TEP1: variants seen among roughly 807,000 people sequenced by gnomAD.
The protein encoded by TEP1 is telomerase protein component 1.
Under a neutral mutation model 306.3 loss-of-function variants are expected in TEP1, and 241 were observed. The ratio of observed to expected loss-of-function variants is 0.79; its 90% CI spans 0.71 to 0.88. The LOEUF is 0.88. Among genes scored for constraint, TEP1 ranks in the 40% least tolerant of loss-of-function variants. The pLI, the probability that TEP1 is intolerant of heterozygous loss-of-function variation, is 0.00. For missense variants in TEP1, 3,051 were observed against 3,276.1 expected, an observed-to-expected ratio of 0.93 and a Z score of 1.68; for synonymous variants, 1,289 against 1,305.5, an observed-to-expected ratio of 0.99 and a Z score of 0.27.
At chr14:20,369,016 T>TC (rs1884653593) in intron 53 of TEP1, 114 bp from the exon 54 acceptor site, 1 of 782,154 alleles carries the variant, frequency 1.3e-6, no homozygotes, top group Middle Eastern at 3.4e-4. Context: ...ATTTCTTTTT[T>TC]TTTTTTTTGA....
chr14:20,383,095 C>T, intron 27 of TEP1, 79 bp downstream of exon 27: 1 of 1,465,730 alleles, frequency 6.8e-7, no homozygotes, highest in African/African-American at 1.4e-5. Context: ...TGCAAGGCAG[C>T]TAGCGGCCTC....
Position 20,381,916 on chromosome 14 carries a change from C to A in TEP1, c.4421G>T (p.Arg1474Leu). ...GPFACLVQSL[R>L]SLLGEGPLER... ...AGCTCTGCTGGGGCACCTGTACCTG[C>A]GCAGACTCTGGACGAGGCAGGCAAA... The change falls in exon 30 of 55, where the codon CGC (arginine) becomes CTC (leucine). Residue 1474 changes from arginine to leucine, a missense_variant. By Grantham distance (102) the Arg-to-Leu change is moderately radical. Transcript: ENST00000262715. This position sits in a 1 kb window ranked among gnomAD's most constrained non-coding sequence, Gnocchi z 4.0. The A allele has an allele frequency of 6.2e-7, 1 of 1,613,808 alleles. No individual in the cohort carries two copies. The highest frequency in any genetic ancestry group is 1.1e-5 in the South Asian group (1 of 91,060).
At chr14:20,396,001 G>C (rs774568631) in intron 10 of TEP1, 52 bp from the exon 11 acceptor site, 1 of 1,379,824 alleles carries the variant, frequency 7.2e-7, no homozygotes, top group Non-Finnish European at 1.0e-6. Context: ...GGAGTATGGG[G>C]GGCTTCAGGG....
Position 20,383,505 on chromosome 14 carries a change from G to A in TEP1, c.3850C>T (p.Pro1284Ser). Residue 1284 changes from proline (P) to serine (S), a missense_variant, in exon 26 of 55, where the codon CCA (proline) becomes TCA (serine). By Grantham distance (74) the Pro-to-Ser change is moderately conservative. This residue lies in a region of TEP1 where 1,540 missense variants were observed against 1,705.9 expected (regional missense o/e 0.90). Coordinates refer to ENST00000262715, the MANE Select transcript of TEP1 (RefSeq NM_007110.5). ...QNGQLISDWI[P>S]KKLPRCVHLV... Reference sequence around the variant, plus strand: ...ACACTCACCCGGGGAAGCTTCTTTGGGATCCAGTCTGAAATCAGCTGCCCA... The same window carrying A: ...ACACTCACCCGGGGAAGCTTCTTTGAGATCCAGTCTGAAATCAGCTGCCCA... The A allele has an allele frequency of 1.9e-6, 3 of 1,614,200 alleles. No homozygotes were observed. Among genetic ancestry groups the A allele is most frequent in the Non-Finnish European group, 2.5e-6 (3 of 1,180,024 alleles).
chr14:20,379,403 G>A (rs1885395769), intron 35 of TEP1, among the ~76,000 whole-genome samples: 1 of 152,216 alleles, frequency 6.6e-6, no homozygotes, highest in African/African-American at 2.4e-5. Context: ...ATAGAAAGAG[G>A]CTGTGGTTCT....
At chr14:20,400,918 G>A in intron 9 of TEP1, 66 bp downstream of exon 9, 2 of 1,562,586 alleles carry the variant, frequency 1.3e-6, no homozygotes, top group Non-Finnish European at 1.7e-6. Context: ...TTCTAGTGAG[G>A]ATCTAAAATG....
chr14:20,392,163 C>G (rs1440165414), intron 12 of TEP1, among the ~76,000 whole-genome samples: 4 of 152,232 alleles, frequency 2.6e-5, no homozygotes, highest in Admixed American at 1.3e-4. Flanking sequence ...TTCATCCCAC[C>G]TTTCCCATAC....
intron 5 of TEP1, among the ~76,000 whole-genome samples, 162 bp from the exon 6 acceptor site, chr14:20,404,046 T>C (rs1878971319): frequency 6.6e-6 from 1 of 152,164 alleles, no homozygotes; most frequent in Non-Finnish European, 1.5e-5. Flanking sequence ...TTTCATTTCT[T>C]CATTAGAAAC....
At position 20,383,654 on chromosome 14, in the gene TEP1, G is replaced by T. The variant is rs72671282; in HGVS notation, c.3711-10C>A. On this transcript the variant is annotated splice_polypyrimidine_tract_variant and intron_variant, in intron 25 of 54. Transcript: ENST00000262715. ...CTCCCACACCAGGCTTCTGTACATG[G>T]AGAGGAAGTCAGGGTCAGTGGGAGA... 1 of 1,612,228 alleles carries T rather than the reference G, an allele frequency of 6.2e-7. No homozygotes were observed.
At position 20,371,309 on chromosome 14, in the gene TEP1, C is replaced by G; in HGVS notation, c.7226G>C (p.Ser2409Thr). 1.9e-6 allele frequency: 3 copies of G among 1,614,026 alleles called. No homozygotes were observed. The highest frequency in any genetic ancestry group is 2.5e-6 in the Non-Finnish European group (3 of 1,179,904). Residue 2409 changes from serine to threonine, a missense_variant, in exon 51 of 55, where the codon AGC becomes ACC. This residue lies in a region of TEP1 where 1,540 missense variants were observed against 1,705.9 expected (regional missense o/e 0.90). Transcript: ENST00000262715. ...CAATATCATAGGATTTTCTGTATAG[C>G]TGCTCCTGGTTTGTGAGAAAGGAAT... ...PGDAPSEIWS[S>T]YTENPMILST...
At position 20,406,403 on chromosome 14, in the gene TEP1, G is replaced by A. The variant is rs771775602; in HGVS notation, c.568-3C>T. ...TCTTCTGAATCAAACCAACGACCCT[G>A]GGGTAGTAGTGGCAGTTATGAATCA... On this transcript the variant is annotated splice_region_variant and splice_polypyrimidine_tract_variant and intron_variant, in intron 2 of 54. Coordinates refer to ENST00000262715, the MANE Select transcript of TEP1 (RefSeq NM_007110.5). 3 of 1,613,728 alleles carry A rather than the reference G, an allele frequency of 1.9e-6. No homozygotes were observed. The Admixed American group carries it at 5.0e-5, about 27-fold the overall frequency.
rs1412413878 is a variant in TEP1 at position 20,373,733 on chromosome 14, G to A, written c.6549C>T (p.Ile2183=). 3 of 1,614,210 alleles carry A rather than the reference G, an allele frequency of 1.9e-6. No individual in the cohort carries two copies. The highest frequency in any genetic ancestry group is 2.2e-5 in the South Asian group (2 of 91,086). Residue 2183 remains isoleucine (I), a synonymous_variant, in exon 45 of 55, where the codon ATC becomes ATT. Coordinates refer to ENST00000262715, the MANE Select transcript of TEP1 (RefSeq NM_007110.5). ...GGCTAATGGGTCCTGAGTGAGCAGGGATGCTGGTCAGCTCCACGCCTTGAT... is the reference window on the plus strand; with the variant it reads ...GGCTAATGGGTCCTGAGTGAGCAGGAATGCTGGTCAGCTCCACGCCTTGAT... The part of the protein sequence containing the change: ...WDHQGVELTS[I]PAHSGPISHC...
rs531645415 is a variant in TEP1 at position 20,365,752 on chromosome 14, C to T, written c.*2685G>A. ...TTTCTAAATGGTTACTCTCAACTTCCGTACTTATCTCATTATAAAACATTA... is the reference window on the plus strand; with the variant it reads ...TTTCTAAATGGTTACTCTCAACTTCTGTACTTATCTCATTATAAAACATTA... On this transcript the variant is annotated 3_prime_UTR_variant, in exon 55 of 55. Coordinates refer to ENST00000262715, the MANE Select transcript of TEP1 (RefSeq NM_007110.5). The T allele has an allele frequency of 5.3e-5, 8 of 152,270 alleles. No homozygotes were observed. The highest frequency in any genetic ancestry group is 3.9e-4 in the East Asian group (2 of 5,186). The allele number at this position is 152,270 out of a possible 1,614,324, so 9.4% of individuals were successfully genotyped here.
In TEP1 at chr14:20,406,149, G is replaced by A. The variant is rs1879158649; in HGVS notation, c.735+84C>T. On this transcript the variant is annotated intron_variant, in intron 3 of 54. Transcript: ENST00000262715. ...GTATCCCTACCTTCCCCTTCCAACTGGGGAGGGGACCTGGTTCAAGTACTC... is the reference window on the plus strand; with the variant it reads ...GTATCCCTACCTTCCCCTTCCAACTAGGGAGGGGACCTGGTTCAAGTACTC... 7 of 1,382,108 alleles carry A rather than the reference G, an allele frequency of 5.1e-6. No individual in the cohort carries two copies. The South Asian group carries it at 9.0e-5, about 18-fold the overall frequency. 85.6% of individuals were successfully genotyped at this position (1,382,108 alleles called of 1,614,324 possible).
In TEP1 at chr14:20,403,638, G is replaced by T. The variant is rs897152053; in HGVS notation, c.1194+85C>A. ...CTCTGACTCCCTTTGCTCCTGGTGT[G>T]GGACTCCCCAGCATCAGCATGCTCC... On this transcript the variant is annotated intron_variant, in intron 6 of 54. Coordinates refer to ENST00000262715, the MANE Select transcript of TEP1 (RefSeq NM_007110.5). The T allele has an allele frequency of 3.1e-6, 5 of 1,599,632 alleles. No homozygotes were observed. The African/African-American group carries it at 6.7e-5, about 21-fold the overall frequency.
At chr14:20,377,986 C>T (rs762380200) in intron 39 of TEP1, 38 bp downstream of exon 39, 2 of 1,605,382 alleles carry the variant, frequency 1.2e-6, no homozygotes, top group South Asian at 1.1e-5. Flanking sequence ...CTTTGCTACT[C>T]CTCCTCACAA....
At chr14:20,398,965 C>T (rs931877902) in intron 9 of TEP1, among the ~76,000 whole-genome samples, 6 of 151,982 alleles carry the variant, frequency 3.9e-5, no homozygotes, top group Admixed American at 2.0e-4. Context: ...AATCTTGGCT[C>T]GCTGCAACCT....
chr14:20,368,738 C>T lies in TEP1; in HGVS notation c.7761+60G>A, dbSNP rs1364153496. ...TCTAAGTTTGCTGTCTTGTGACATC[C>T]CTTTGGGATAGGTGTGCAGGCGCAC... On this transcript the variant is annotated intron_variant, in intron 54 of 54. Coordinates refer to ENST00000262715, the MANE Select transcript of TEP1 (RefSeq NM_007110.5). 1.9e-6 allele frequency: 3 copies of T among 1,540,210 alleles called. No individual in the cohort carries two copies. The East Asian group carries it at 6.8e-5, about 35-fold the overall frequency.
In TEP1 at chr14:20,380,996, T is replaced by G; in HGVS notation, c.4697A>C (p.His1566Pro). 6.2e-7 allele frequency: 1 copy of G among 1,614,042 alleles called. No homozygotes were observed. Among genetic ancestry groups the G allele is most frequent in the Non-Finnish European group, 8.5e-7 (1 of 1,180,008 alleles). Residue 1566 changes from histidine to proline, a missense_variant, in exon 33 of 55, where the codon CAT becomes CCT. His to Pro is a moderately conservative substitution (Grantham distance 77, BLOSUM62 -2). Around this residue, in one of 3 missense-constraint regions of TEP1, gnomAD observed 1,540 missense variants for 1,705.9 expected, o/e 0.90. Coordinates refer to ENST00000262715, the MANE Select transcript of TEP1 (RefSeq NM_007110.5). ...GLLSKFLTNL[H>P]VVAAHLELGL... is the part of the protein sequence containing the mutation. ...CAATTCCAAGTGTGCAGCCACCACA[T>G]GGAGGTTGGTAAGGAACTTCGAAAG...
Sources: gnomAD v4.1 joint callset for allele counts (sites outside exome capture counted in the v4.1 genomes callset) on GRCh38, gnomAD v4.1.1 for gene constraint, gnomAD v4.1.1 regional missense constraint, Gnocchi (gnomAD v3.1) non-coding constraint, MANE v1.5 for transcripts, NCBI Gene and HGNC (gene_info 2026-07-23, HGNC 2026-07-21) for gene names.